GSG1L: variants seen among roughly 807,000 people sequenced by gnomAD.
GSG1L encodes the protein germ cell-specific gene 1-like protein.
Under a neutral mutation model 42.1 loss-of-function variants are expected in GSG1L, and 24 were observed. The ratio of observed to expected loss-of-function variants is 0.57; its 90% CI spans 0.41 to 0.80. The LOEUF (loss-of-function observed/expected upper bound fraction) is 0.80. GSG1L is among the 30% of genes least tolerant of loss of function. GSG1L has a pLI of 0.00. For missense variants in GSG1L, 445 were observed against 472.2 expected, an observed-to-expected ratio of 0.94 and a Z score of 0.53; for synonymous variants, 215 against 203.5, an observed-to-expected ratio of 1.06 and a Z score of -0.48.
At chr16:27,924,218 T>C (rs1168090807) in intron 2 of GSG1L, among the ~76,000 whole-genome samples, 2 of 151,626 alleles carry the variant, frequency 1.3e-5, no homozygotes, top group Non-Finnish European at 2.9e-5. Context: ...TATACAGTAT[T>C]ATATATTTAG....
At chr16:27,848,669 A>G (rs553793352) in intron 3 of GSG1L, among the ~76,000 whole-genome samples, 1 of 152,186 alleles carries the variant, frequency 6.6e-6, no homozygotes, top group Non-Finnish European at 1.5e-5. Flanking sequence ...AAACATTTCC[A>G]TGAAAAAACT....
chr16:27,941,141 AATAG>A (rs2084788696), intron 2 of GSG1L, among the ~76,000 whole-genome samples: 2 of 152,188 alleles, frequency 1.3e-5, no homozygotes, highest in African/African-American at 4.8e-5. Context: ...CAAAGGAAAA[AATAG>A]ATAAACTGAA....
chr16:27,808,565 C>T (rs1053362981), intron 5 of GSG1L, among the ~76,000 whole-genome samples: 2 of 152,008 alleles, frequency 1.3e-5, no homozygotes, highest in African/African-American at 4.8e-5. Flanking sequence ...ATTACAGGTA[C>T]CTGCCACTGC....
intron 1 of GSG1L, among the ~76,000 whole-genome samples, chr16:28,055,564 C>T (rs1181530977): frequency 1.3e-5 from 2 of 151,944 alleles, no homozygotes; most frequent in Non-Finnish European, 2.9e-5. Flanking sequence ...CTCTGCCTTC[C>T]GGGTTCAAGC....
At chr16:28,010,398 G>T (rs1396099872) in intron 1 of GSG1L, among the ~76,000 whole-genome samples, 1 of 152,172 alleles carries the variant, frequency 6.6e-6, no homozygotes, top group African/African-American at 2.4e-5. Context: ...ACTGTGGGGG[G>T]ATTTTGCTAA....
intron 2 of GSG1L, among the ~76,000 whole-genome samples, chr16:27,918,250 G>A (rs999902075): frequency 6.6e-6 from 1 of 152,088 alleles, no homozygotes; most frequent in Admixed American, 6.5e-5. Flanking sequence ...AAACTACATG[G>A]CCTGAGCATA....
At chr16:27,960,213 C>A (rs966663383) in intron 2 of GSG1L, among the ~76,000 whole-genome samples, 12 of 152,088 alleles carry the variant, frequency 7.9e-5, no homozygotes, top group Non-Finnish European at 5.9e-5. Context: ...GGCTCAGAAG[C>A]CCTAAGCTTT....
intron 2 of GSG1L, among the ~76,000 whole-genome samples, chr16:27,895,034 G>A (rs191822532): frequency 2.0e-5 from 3 of 152,200 alleles, no homozygotes; most frequent in East Asian, 3.9e-4. Context: ...TACAAACCTC[G>A]GGAAGGTCCC....
At chr16:27,875,607 A>G (rs1429675842) in intron 3 of GSG1L, among the ~76,000 whole-genome samples, 2 of 152,122 alleles carry the variant, frequency 1.3e-5, no homozygotes, top group Non-Finnish European at 2.9e-5. Context: ...TTTGGCAACC[A>G]CTTGCCTGCT....
At chr16:27,824,188 G>T (rs1471333285) in intron 5 of GSG1L, among the ~76,000 whole-genome samples, 1 of 152,212 alleles carries the variant, frequency 6.6e-6, no homozygotes, top group Non-Finnish European at 1.5e-5. Context: ...ACTTGGCGCG[G>T]CATGTCACAT....
chr16:27,952,715 A>T (rs895799769), intron 2 of GSG1L, among the ~76,000 whole-genome samples: 2 of 152,208 alleles, frequency 1.3e-5, no homozygotes, highest in Admixed American at 1.3e-4. Context: ...ATGTAACTGG[A>T]TTTTCATTTT....
intron 1 of GSG1L, among the ~76,000 whole-genome samples, chr16:27,989,052 C>CAAAAAAA (rs560236316): frequency 2.4e-5 from 2 of 82,032 alleles, no homozygotes; most frequent in African/African-American, 8.7e-5. Context: ...GACTCTGTCT[C>CAAAAAAA]AAAAAAAAAA....
At chr16:28,002,228 C>G (rs530814326) in intron 1 of GSG1L, among the ~76,000 whole-genome samples, 1 of 152,308 alleles carries the variant, frequency 6.6e-6, no homozygotes, top group South Asian at 2.1e-4. Flanking sequence ...GATGGAATAA[C>G]AGGGTGAGCG....
intron 5 of GSG1L, 75 bp downstream of exon 5, chr16:27,828,714 C>T: frequency 2.1e-6 from 3 of 1,430,264 alleles, no homozygotes; most frequent in Middle Eastern, 1.8e-4. Flanking sequence ...TTGACTGGGG[C>T]CCGGTGGCCA....
intron 3 of GSG1L, among the ~76,000 whole-genome samples, chr16:27,876,002 C>A (rs569312797): frequency 1.3e-5 from 2 of 152,288 alleles, no homozygotes; most frequent in South Asian, 4.2e-4. Flanking sequence ...ATTACTGAAC[C>A]AACAGATTTC....
intron 2 of GSG1L, among the ~76,000 whole-genome samples, chr16:27,906,884 G>GAC (rs1177968968): frequency 6.6e-6 from 1 of 152,066 alleles, no homozygotes; most frequent in Non-Finnish European, 1.5e-5. Flanking sequence ...GATGGGTATG[G>GAC]ACACCCTGTC....
At chr16:27,981,622 G>A (rs1433227086) in intron 1 of GSG1L, among the ~76,000 whole-genome samples, 1 of 152,162 alleles carries the variant, frequency 6.6e-6, no homozygotes, top group Non-Finnish European at 1.5e-5. Flanking sequence ...ACCATGCCTT[G>A]ATTTCTGGCA....
At position 28,063,252 on chromosome 16, in the gene GSG1L, T is replaced by C; in HGVS notation, c.173A>G (p.Asn58Ser). ...GGCGGCGGTGCCGTTGGCCGTGGCG[T>C]TGGCGCCCGAGTTGGGGCAGTTGGC... ...GRANCPNSGA[N>S]ATANGTAAPA... The change falls in exon 1 of 7, where the codon AAC becomes AGC. Residue 58 changes from asparagine to serine, a missense_variant. Physicochemically the swap from Asn to Ser is conservative, Grantham distance 46. Transcript: ENST00000447459. This position sits in a 1 kb window ranked among gnomAD's most constrained non-coding sequence, Gnocchi z 5.8. The C allele has an allele frequency of 7.7e-7, 1 of 1,303,348 alleles. No homozygotes were observed. 80.7% of individuals were successfully genotyped at this position (1,303,348 alleles called of 1,614,324 possible).
intron 5 of GSG1L, among the ~76,000 whole-genome samples, chr16:27,826,027 C>T (rs552171070): frequency 9.6e-4 from 146 of 152,170 alleles, no homozygotes; most frequent in African/African-American, 3.3e-3. Context: ...AGAGTGAGAC[C>T]CTGTCTCCAA....
Sources: allele counts gnomAD v4.1 joint callset (sites outside exome capture counted in the v4.1 genomes callset), GRCh38; gene constraint gnomAD v4.1.1; non-coding constraint Gnocchi (gnomAD v3.1); transcripts MANE v1.5; gene names NCBI Gene and HGNC (gene_info 2026-07-23, HGNC 2026-07-21).